The following KCNH7 variants were observed in gnomAD, a reference collection of about 807,000 sequenced individuals.
KCNH7 encodes the protein voltage-gated inwardly rectifying potassium channel KCNH7.
Under a neutral mutation model 120.8 loss-of-function variants are expected in KCNH7, and 49 were observed. The observed-to-expected ratio is 0.41, with a 90% CI of 0.32 to 0.51. The LOEUF is 0.51. Among genes scored for constraint, KCNH7 ranks in the 20% least tolerant of loss-of-function variants. The probability of loss-of-function intolerance (pLI) is 0.38; values close to 1 mark genes in which losing one functional copy is unlikely to be tolerated. For missense variants in KCNH7, 1,097 were observed against 1,446.6 expected (o/e 0.76, Z 3.92); for synonymous variants, 547 against 516.1 (o/e 1.06, Z -0.81).
At chr2:162,612,563 C>T (rs1325967076) in intron 2 of KCNH7, among the ~76,000 whole-genome samples, 1 of 152,020 alleles carries the variant, frequency 6.6e-6, no homozygotes, top group Non-Finnish European at 1.5e-5. Context: ...ACAGGAACAT[C>T]TGGCAAAAGG....
Position 162,745,466 on chromosome 2 carries a change from G to A in KCNH7, c.307+91071C>T, listed in dbSNP as rs113960286. 5.7e-3 allele frequency among the ~76,000 whole-genome samples: 866 copies of A among 152,090 alleles called. 2 individuals carry two copies. The highest frequency in any genetic ancestry group is 9.4e-3 in the Non-Finnish European group (637 of 67,978). On this transcript the variant is annotated intron_variant, in intron 2 of 15. Coordinates refer to ENST00000332142, the MANE Select transcript of KCNH7 (RefSeq NM_033272.4). The stretch of plus-strand genomic sequence containing the variant: ...ATAGAGTATCTAGGAAGTGATGTAG[G>A]TTAAGCCTTCTAATCTAGATTTTCT...
intron 2 of KCNH7, among the ~76,000 whole-genome samples, chr2:162,634,144 A>G (rs1463517452): frequency 2.0e-5 from 3 of 152,056 alleles, no homozygotes; most frequent in Non-Finnish European, 2.9e-5. Context: ...GCTGTGTACT[A>G]TAAGGACATT....
chr2:162,557,796 C>A (rs1166148822), intron 2 of KCNH7, among the ~76,000 whole-genome samples: 2 of 152,010 alleles, frequency 1.3e-5, no homozygotes, highest in African/African-American at 2.4e-5. Flanking sequence ...GTCTATTTTT[C>A]TGTCTCGGTT....
rs576339455 is a variant in KCNH7 at position 162,392,123 on chromosome 2, T to C, written c.2710+2266A>G. On this transcript the variant is annotated intron_variant, in intron 12 of 15. Coordinates refer to ENST00000332142, the MANE Select transcript of KCNH7 (RefSeq NM_033272.4). ...AGTAGCCATCATATTTTGACAATAT[T>C]ATAAGAAGTAAGTGCTTTGAGAATT... Among the ~76,000 whole-genome samples the C allele has an allele frequency of 2.6e-5, 4 of 152,122 alleles. No individual in the cohort carries two copies. The South Asian group carries it at 8.3e-4, about 32-fold the overall frequency.
chr2:162,638,978 G>C (rs1684055543), intron 2 of KCNH7, among the ~76,000 whole-genome samples: 1 of 152,074 alleles, frequency 6.6e-6, no homozygotes, highest in Non-Finnish European at 1.5e-5. Context: ...ATAATTCTTT[G>C]TTATCGGGGA....
intron 2 of KCNH7, among the ~76,000 whole-genome samples, chr2:162,677,065 T>C (rs1685553672): frequency 6.6e-6 from 1 of 151,524 alleles, no homozygotes; most frequent in African/African-American, 2.4e-5. Flanking sequence ...TTTTAAGCAA[T>C]TTAATTAACT....
intron 2 of KCNH7, among the ~76,000 whole-genome samples, chr2:162,610,057 C>T (rs1453157933): frequency 1.3e-5 from 2 of 152,170 alleles, no homozygotes; most frequent in Non-Finnish European, 2.9e-5. Flanking sequence ...TTTTACATAA[C>T]ACAGCTGGGT....
At chr2:162,805,536 C>G (rs1443173711) in intron 2 of KCNH7, among the ~76,000 whole-genome samples, 1 of 151,954 alleles carries the variant, frequency 6.6e-6, no homozygotes, top group Non-Finnish European at 1.5e-5. Context: ...CAATGAGATA[C>G]CACCTTCCTG....
At chr2:162,711,135 A>G (rs562109696) in intron 2 of KCNH7, among the ~76,000 whole-genome samples, 19 of 152,376 alleles carry the variant, frequency 1.2e-4, no homozygotes, top group African/African-American at 4.3e-4. Context: ...CCACAAGGCC[A>G]GGGGCCAGAG....
intron 9 of KCNH7, among the ~76,000 whole-genome samples, chr2:162,420,838 G>T (rs549824565): frequency 6.6e-6 from 1 of 152,000 alleles, no homozygotes; most frequent in Non-Finnish European, 1.5e-5. Context: ...TATGTGTGAC[G>T]ATACATAAAT....
rs1683446625 is a variant in KCNH7 at position 162,623,742 on chromosome 2, C to T, written c.308-86662G>A. On this transcript the variant is annotated intron_variant, in intron 2 of 15. Transcript: ENST00000332142. ...GTACCTGTGATGAATATGAAATGAG[C>T]TAACCTTTGTAAAATTCTTTGAGCA... Among the ~76,000 whole-genome samples, 3 of 152,108 alleles carry T rather than the reference C, an allele frequency of 2.0e-5. No homozygotes were observed. In the South Asian group the frequency reaches 6.2e-4, roughly 32 times the overall value.
At chr2:162,381,576 G>A (rs1686419402) in intron 13 of KCNH7, among the ~76,000 whole-genome samples, 1 of 152,034 alleles carries the variant, frequency 6.6e-6, no homozygotes, top group Non-Finnish European at 1.5e-5. Context: ...GCTTGACAAA[G>A]GAATTAGCAT....
At chr2:162,697,949 T>A (rs1686350777) in intron 2 of KCNH7, among the ~76,000 whole-genome samples, 1 of 152,260 alleles carries the variant, frequency 6.6e-6, no homozygotes, top group South Asian at 2.1e-4. Flanking sequence ...ATTTCCCAAA[T>A]TGGACTTCCA....
intron 2 of KCNH7, among the ~76,000 whole-genome samples, chr2:162,611,717 C>G (rs1459560516): frequency 1.3e-5 from 2 of 152,134 alleles, no homozygotes; most frequent in African/African-American, 2.4e-5. Context: ...GTTAAACCTG[C>G]AATTTTACCT....
At chr2:162,380,140 C>T in intron 13 of KCNH7, 119 bp from the exon 14 acceptor site, 1 of 1,192,016 alleles carries the variant, frequency 8.4e-7, no homozygotes, top group Non-Finnish European at 1.2e-6. Context: ...GACAGAGAAC[C>T]AAAAGTATTC....
At chr2:162,453,553 T>G (rs1028813363) in intron 6 of KCNH7, among the ~76,000 whole-genome samples, 4 of 152,230 alleles carry the variant, frequency 2.6e-5, no homozygotes, top group African/African-American at 9.6e-5. Flanking sequence ...TCTTCCACAA[T>G]GGTTGAACTA....
At chr2:162,565,330 A>T (rs1485969) in intron 2 of KCNH7, among the ~76,000 whole-genome samples, 78,175 of 151,484 alleles carry the variant, frequency 0.52, 20,363 homozygotes, top group Middle Eastern at 0.61. Context: ...AAAAAACGTA[A>T]CTAGTCCTAG....
intron 2 of KCNH7, among the ~76,000 whole-genome samples, chr2:162,675,355 C>A (rs62171386): frequency 0.012 from 1,755 of 151,412 alleles, 18 homozygotes; most frequent in Non-Finnish European, 0.017. Context: ...AAAGGAAGCC[C>A]ATGGACTCCT....
intron 6 of KCNH7, among the ~76,000 whole-genome samples, chr2:162,487,864 C>G (rs1346237213): frequency 2.6e-5 from 4 of 152,198 alleles, no homozygotes; most frequent in African/African-American, 9.7e-5. Context: ...ATGAAGCTTA[C>G]AAGGCCTTAG....
Sources: gnomAD v4.1 joint callset for allele counts (sites outside exome capture counted in the v4.1 genomes callset) on GRCh38, gnomAD v4.1.1 for gene constraint, MANE v1.5 for transcripts, NCBI Gene and HGNC (gene_info 2026-07-23, HGNC 2026-07-21) for gene names.